The following IFT74 variants were observed in gnomAD, a reference collection of about 807,000 sequenced individuals.
IFT74 encodes the protein intraflagellar transport 74, also known as intraflagellar transport protein 74 homolog.
A neutral mutation model predicts 96.7 loss-of-function variants in IFT74; 92 were observed. That is an observed-to-expected ratio of 0.95 (90% CI 0.80 to 1.13). The LOEUF (loss-of-function observed/expected upper bound fraction) is 1.13. Among genes scored for constraint, IFT74 ranks in the 50% most tolerant of loss-of-function variants. IFT74 has a pLI of 0.00. For missense variants in IFT74, 811 were observed against 698.2 expected, an observed-to-expected ratio of 1.16 and a Z score of -1.82; for synonymous variants, 223 against 213.2, an observed-to-expected ratio of 1.05 and a Z score of -0.40.
intron 12 of IFT74, among the ~76,000 whole-genome samples, chr9:27,022,466 G>A (rs2131629548): frequency 6.6e-6 from 1 of 152,206 alleles, no homozygotes; most frequent in African/African-American, 2.4e-5. Flanking sequence ...CATGAGCATG[G>A]AATATGTTTC....
intron 12 of IFT74, among the ~76,000 whole-genome samples, chr9:27,025,034 C>G (rs1303286772): frequency 6.7e-6 from 1 of 150,198 alleles, no homozygotes; most frequent in African/African-American, 2.4e-5. Flanking sequence ...ATGGCCAAAC[C>G]TAAGAATAAT....
At chr9:27,036,878 C>T (rs1294493893) in intron 13 of IFT74, 3 of 979,004 alleles carry the variant, frequency 3.1e-6, no homozygotes, top group Non-Finnish European at 3.7e-6. Flanking sequence ...TTTAGTGCTG[C>T]CCCTACAATG....
chr9:27,006,956 C>T (rs1238065150), intron 8 of IFT74, among the ~76,000 whole-genome samples: 1 of 151,274 alleles, frequency 6.6e-6, no homozygotes, highest in African/African-American at 2.4e-5. Flanking sequence ...CCTGCCTCAG[C>T]CTCCCAAGTA....
At chr9:26,991,445 C>T (rs1482031330) in intron 8 of IFT74, among the ~76,000 whole-genome samples, 3 of 152,072 alleles carry the variant, frequency 2.0e-5, no homozygotes, top group African/African-American at 7.2e-5. Context: ...GTCTCAAACT[C>T]CTGGTCTCAA....
At chr9:27,054,022 G>T (rs576879550) in intron 16 of IFT74, among the ~76,000 whole-genome samples, 3 of 152,292 alleles carry the variant, frequency 2.0e-5, no homozygotes, top group African/African-American at 7.2e-5. Flanking sequence ...TTTAAATAGT[G>T]TATGTCGCTG....
intron 9 of IFT74, among the ~76,000 whole-genome samples, chr9:27,010,413 C>T (rs1190091259): frequency 6.6e-6 from 1 of 152,002 alleles, no homozygotes; most frequent in East Asian, 1.9e-4. Flanking sequence ...TCCCCCACAC[C>T]ACCCCATGCC....
chr9:27,050,199 A>G (rs575259763), intron 16 of IFT74, among the ~76,000 whole-genome samples: 2 of 152,116 alleles, frequency 1.3e-5, no homozygotes, highest in Non-Finnish European at 2.9e-5. Flanking sequence ...CTGGGACTAC[A>G]GGCACACACC....
intron 8 of IFT74, among the ~76,000 whole-genome samples, chr9:26,998,957 A>G (rs904351622): frequency 8.5e-5 from 13 of 152,128 alleles, no homozygotes; most frequent in Non-Finnish European, 1.5e-4. Context: ...TCATGCCATT[A>G]CACTCCAGCC....
intron 8 of IFT74, among the ~76,000 whole-genome samples, chr9:27,000,955 C>T (rs1321743938): frequency 1.3e-5 from 2 of 152,110 alleles, no homozygotes; most frequent in Non-Finnish European, 2.9e-5. Flanking sequence ...TGCATTCCTC[C>T]CTCCCTACCA....
intron 16 of IFT74, among the ~76,000 whole-genome samples, chr9:27,053,145 G>GA (rs1428933869): frequency 4.5e-5 from 1 of 22,268 alleles, no homozygotes; most frequent in African/African-American, 1.5e-4. Flanking sequence ...TTACAGGCGT[G>GA]AGCACCGCGC....
upstream of IFT74, among the ~76,000 whole-genome samples, chr9:26,952,632 G>A (rs1371652821): frequency 6.6e-6 from 1 of 152,188 alleles, no homozygotes; most frequent in Non-Finnish European, 1.5e-5. Context: ...AAATTCAAAA[G>A]ACGTAAAGGA....
intron 8 of IFT74, among the ~76,000 whole-genome samples, chr9:27,004,662 T>C (rs879924970): frequency 2.0e-5 from 3 of 152,220 alleles, no homozygotes; most frequent in Non-Finnish European, 4.4e-5. Flanking sequence ...AAGTCAGTCA[T>C]TGTTGCTTTC....
chr9:26,980,582 C>G lies in IFT74; in HGVS notation c.268C>G (p.Gln90Glu). The change falls in exon 4 of 20, where the codon CAA (glutamine) becomes GAA (glutamate). Residue 90 changes from glutamine to glutamate, a missense_variant. Gln to Glu is a conservative substitution (Grantham distance 29). Coordinates refer to ENST00000380062, the MANE Select transcript of IFT74 (RefSeq NM_025103.4). ...ACATTTTTTTTTAGGTCCCCAGAGG[C>G]AAATTTTAGACAAATCTTACTATCT... The part of the protein sequence containing the change: ...MKTGTKGPQR[Q>E]ILDKSYYLGL... 1 of 1,605,606 alleles carries G rather than the reference C, an allele frequency of 6.2e-7. No individual in the cohort carries two copies. Among genetic ancestry groups the G allele is most frequent in the South Asian group, 1.1e-5 (1 of 90,810 alleles).
chr9:27,028,260 G>A (rs899653562), intron 12 of IFT74, among the ~76,000 whole-genome samples: 2 of 152,074 alleles, frequency 1.3e-5, no homozygotes, highest in Non-Finnish European at 2.9e-5. Context: ...TCTGCCAGTG[G>A]TAGGTTTTCC....
At chr9:27,034,133 C>G (rs1043894891) in intron 13 of IFT74, among the ~76,000 whole-genome samples, 3 of 152,154 alleles carry the variant, frequency 2.0e-5, no homozygotes, top group Non-Finnish European at 4.4e-5. Flanking sequence ...GGCATTATTA[C>G]TCACCAAAAA....
At position 26,976,047 on chromosome 9, in the gene IFT74, G is replaced by A. The variant is rs571076682; in HGVS notation, c.121-2081G>A. 1.1e-4 allele frequency among the ~76,000 whole-genome samples: 17 copies of A among 152,300 alleles called. No homozygotes were observed. In the East Asian group the frequency reaches 1.2e-3, roughly 10 times the overall value. ...GGAAATACTTTGTTGTTCTTGTACC[G>A]TTTTTCACCTTGGTCTGTGCACAGA... On this transcript the variant is annotated intron_variant, in intron 2 of 19. Transcript: ENST00000380062.
chr9:27,062,741 A>C lies in IFT74; in HGVS notation c.*5A>C. 1 of 1,442,746 alleles carries C rather than the reference A, an allele frequency of 6.9e-7. No homozygotes were observed. Among genetic ancestry groups the C allele is most frequent in the Non-Finnish European group, 9.7e-7 (1 of 1,031,300 alleles). 89.4% of individuals were successfully genotyped at this position (1,442,746 alleles called of 1,614,324 possible). ...CATAGCACCAGCGGAAACTGAGTTT[A>C]AGTCCACTGAAAGTCTCTAAGGAAG... On this transcript the variant is annotated 3_prime_UTR_variant, in exon 20 of 20. Coordinates refer to ENST00000380062, the MANE Select transcript of IFT74 (RefSeq NM_025103.4).
intron 6 of IFT74, among the ~76,000 whole-genome samples, chr9:26,986,667 G>GGCTGAA (rs1471149442): frequency 2.0e-5 from 3 of 151,366 alleles, no homozygotes; most frequent in African/African-American, 7.3e-5. Context: ...CTGTTGCTCT[G>GGCTGAA]GCTGAAGTGC....
chr9:27,036,320 T>C (rs1819178851), intron 13 of IFT74: 3 of 1,279,542 alleles, frequency 2.3e-6, no homozygotes, highest in Non-Finnish European at 3.1e-6. Context: ...CCAGAGAATG[T>C]ATATTTAGAA....
Sources: allele counts gnomAD v4.1 joint callset (sites outside exome capture counted in the v4.1 genomes callset), GRCh38; gene constraint gnomAD v4.1.1; transcripts MANE v1.5; gene names NCBI Gene and HGNC (gene_info 2026-07-23, HGNC 2026-07-21).